KCNH5: variants seen among roughly 807,000 people sequenced by gnomAD.
KCNH5 encodes voltage-gated delayed rectifier potassium channel KCNH5.
In KCNH5, 46 loss-of-function variants were observed where a neutral mutation model predicts 96.1. The ratio of observed to expected loss-of-function variants is 0.48; its 90% CI spans 0.38 to 0.61. The LOEUF (loss-of-function observed/expected upper bound fraction) is 0.61. Among genes scored for constraint, KCNH5 ranks in the 20% least tolerant of loss-of-function variants. The pLI is 0.00. For synonymous variants in KCNH5, 439 were observed against 449.8 expected (o/e 0.98, Z 0.30); for missense variants, 907 against 1,225.8 (o/e 0.74, Z 3.88).
intron 7 of KCNH5, among the ~76,000 whole-genome samples, chr14:62,864,391 A>G (rs540451036): frequency 6.6e-6 from 1 of 152,372 alleles, no homozygotes; most frequent in Admixed American, 6.5e-5. Flanking sequence ...CATAAAGTAT[A>G]AAAACACAGC....
At position 62,740,927 on chromosome 14, in the gene KCNH5, TATTTAGTTAACTAAACTTAC is replaced by T. The variant is rs1885258865; in HGVS notation, c.2020-32492_2020-32473del. 6.6e-5 allele frequency among the ~76,000 whole-genome samples: 10 copies of T among 152,324 alleles called. No homozygotes were observed. The South Asian group carries it at 2.1e-3, about 32-fold the overall frequency. On this transcript the variant is annotated intron_variant, in intron 10 of 10. Coordinates refer to ENST00000322893, the MANE Select transcript of KCNH5 (RefSeq NM_139318.5). ...TAACAGTTTCATTTCCAGCTTCCAT[TATTTAGTTAACTAAACTTAC>T]TTTGCTAATTTTCAGAAATGTCTTA...
rs1053763308 is a variant in KCNH5 at position 62,701,085 on chromosome 14, G to A, written c.*6423C>T. The A allele has an allele frequency of 6.6e-6, 1 of 152,150 alleles. No homozygotes were observed. Among genetic ancestry groups the A allele is most frequent in the Non-Finnish European group, 1.5e-5 (1 of 68,000 alleles). 9.4% of individuals were successfully genotyped at this position (152,150 alleles called of 1,614,324 possible). On this transcript the variant is annotated 3_prime_UTR_variant, in exon 11 of 11. Transcript: ENST00000322893. ...CATTCAACAGTCAGTGATTCCGCAT[G>A]AATGAGAGAGAGTGATCAGATCTTT...
At chr14:62,815,510 A>G (rs1886960312) in intron 8 of KCNH5, among the ~76,000 whole-genome samples, 1 of 152,182 alleles carries the variant, frequency 6.6e-6, no homozygotes, top group Non-Finnish European at 1.5e-5. Flanking sequence ...CACACACACA[A>G]AAAATGGATA....
At chr14:62,915,749 G>C (rs996103190) in intron 7 of KCNH5, among the ~76,000 whole-genome samples, 7 of 151,932 alleles carry the variant, frequency 4.6e-5, no homozygotes, top group African/African-American at 1.7e-4. Flanking sequence ...TCTTTTTATC[G>C]AACATCTACT....
At chr14:62,859,103 C>T (rs746853253) in intron 7 of KCNH5, among the ~76,000 whole-genome samples, 15 of 152,176 alleles carry the variant, frequency 9.9e-5, no homozygotes, top group Non-Finnish European at 1.5e-4. Context: ...GCAGGATAGG[C>T]AAACCTATAT....
At chr14:62,978,642 C>A (rs1049852156) in intron 6 of KCNH5, among the ~76,000 whole-genome samples, 2 of 150,646 alleles carry the variant, frequency 1.3e-5, no homozygotes, top group African/African-American at 4.9e-5. Flanking sequence ...CTTTGCATTT[C>A]TTGAATATGA....
At chr14:62,757,371 G>A (rs570668830) in intron 10 of KCNH5, among the ~76,000 whole-genome samples, 20 of 152,138 alleles carry the variant, frequency 1.3e-4, no homozygotes, top group Non-Finnish European at 1.0e-4. Flanking sequence ...GCACTATGGA[G>A]AACAGTTTGG....
At chr14:62,708,667 G>C (rs1884498036) in intron 10 of KCNH5, among the ~76,000 whole-genome samples, 1 of 152,116 alleles carries the variant, frequency 6.6e-6, no homozygotes, top group Non-Finnish European at 1.5e-5. Flanking sequence ...ACATAGAAAT[G>C]TTGGCTACTT....
intron 7 of KCNH5, among the ~76,000 whole-genome samples, chr14:62,931,023 T>C (rs940727828): frequency 2.1e-4 from 32 of 152,238 alleles, no homozygotes; most frequent in Non-Finnish European, 4.1e-4. Flanking sequence ...TGGAGAGAGA[T>C]ACCTGCCGGA....
intron 9 of KCNH5, among the ~76,000 whole-genome samples, chr14:62,801,587 C>A (rs1307820773): frequency 7.2e-6 from 1 of 138,830 alleles, no homozygotes; most frequent in East Asian, 2.4e-4. Flanking sequence ...CTTATATATA[C>A]TGTTACTGCC....
chr14:62,820,316 T>G (rs1887089125), intron 8 of KCNH5, among the ~76,000 whole-genome samples: 1 of 152,030 alleles, frequency 6.6e-6, no homozygotes, highest in African/African-American at 2.4e-5. Context: ...CTTTATTTTT[T>G]TGTCATTCCA....
intron 9 of KCNH5, among the ~76,000 whole-genome samples, chr14:62,789,277 T>A (rs917276601): frequency 4.6e-5 from 7 of 152,078 alleles, no homozygotes; most frequent in African/African-American, 1.7e-4. Flanking sequence ...TTTTTAAGGT[T>A]GAATAATATT....
intron 7 of KCNH5, among the ~76,000 whole-genome samples, chr14:62,937,051 TAATC>T (rs377375989): frequency 1.1e-3 from 147 of 127,866 alleles, no homozygotes; most frequent in African/African-American, 4.0e-3. Flanking sequence ...AAGGGAAAAA[TAATC>T]AAGCTACAGC....
At chr14:63,019,729 A>C (rs1378014445) in intron 1 of KCNH5, among the ~76,000 whole-genome samples, 1 of 152,120 alleles carries the variant, frequency 6.6e-6, no homozygotes, top group African/African-American at 2.4e-5. Context: ...TAAACCTTCT[A>C]GAAGAAAACA....
chr14:62,846,245 A>G (rs1458643825), intron 8 of KCNH5, among the ~76,000 whole-genome samples: 1 of 152,108 alleles, frequency 6.6e-6, no homozygotes, highest in Non-Finnish European at 1.5e-5. Context: ...TTATGTCCTC[A>G]GATCGTTTTT....
intron 8 of KCNH5, among the ~76,000 whole-genome samples, chr14:62,828,706 A>G (rs1887278933): frequency 6.6e-6 from 1 of 152,078 alleles, no homozygotes; most frequent in African/African-American, 2.4e-5. Flanking sequence ...TTAAGATGAG[A>G]TTTGGGTGGG....
chr14:62,919,542 C>T (rs538649247), intron 7 of KCNH5, among the ~76,000 whole-genome samples: 3 of 152,226 alleles, frequency 2.0e-5, no homozygotes, highest in Admixed American at 1.3e-4. Context: ...GGGTGGCTTT[C>T]TGCAAGTTAC....
chr14:62,761,356 CA>C (rs5809168), intron 10 of KCNH5, among the ~76,000 whole-genome samples: 62,387 of 127,236 alleles, frequency 0.49, 13,847 homozygotes, highest in South Asian at 0.77. Flanking sequence ...CTCACTCTCT[CA>C]AAAAAAAAAA....
intron 9 of KCNH5, among the ~76,000 whole-genome samples, chr14:62,784,911 T>G (rs1054257462): frequency 1.3e-5 from 2 of 152,190 alleles, no homozygotes; most frequent in Admixed American, 1.3e-4. Context: ...AACTAGAGTA[T>G]GAACTCATGA....
Sources: gnomAD v4.1 joint callset for allele counts (sites outside exome capture counted in the v4.1 genomes callset) on GRCh38, gnomAD v4.1.1 for gene constraint, MANE v1.5 for transcripts, NCBI Gene and HGNC (gene_info 2026-07-23, HGNC 2026-07-21) for gene names.